Variants in SAMD4A observed in about 807,000 individuals in gnomAD.
SAMD4A encodes the protein sterile alpha motif domain containing 4A, also known as protein Smaug homolog 1.
SAMD4A carries 33 observed loss-of-function variants against 81.3 expected under a neutral mutation model. The observed-to-expected ratio is 0.41, with a 90% confidence interval of 0.31 to 0.54. The LOEUF (loss-of-function observed/expected upper bound fraction) is 0.54. SAMD4A is among the 20% of genes least tolerant of loss of function. SAMD4A has a pLI of 0.37. For missense variants in SAMD4A, 854 were observed against 951.1 expected (o/e 0.90, Z 1.34); for synonymous variants, 389 against 382.1 (o/e 1.02, Z -0.21).
At chr14:54,565,565 C>A (rs2032904539), upstream of SAMD4A, among the ~76,000 whole-genome samples, 2 of 152,236 alleles carry the variant, frequency 1.3e-5, no homozygotes, top group South Asian at 4.1e-4. The surrounding 1 kb of genome is among the most constrained non-coding windows in gnomAD (Gnocchi z 5.4). Flanking sequence ...TCCACGACCC[C>A]CGGAACCCAT....
At chr14:54,651,408 G>A (rs140729955) in intron 2 of SAMD4A, among the ~76,000 whole-genome samples, 42 of 152,284 alleles carry the variant, frequency 2.8e-4, no homozygotes, top group African/African-American at 9.6e-4. Flanking sequence ...CATGACATTA[G>A]TGATTTCATA....
In SAMD4A at chr14:54,567,657, G is replaced by GTT. The variant is rs891760874; in HGVS notation, c.-250_-249dup. 1.5e-4 allele frequency: 63 copies of GTT among 408,906 alleles called. No homozygotes were observed. The highest frequency in any genetic ancestry group is 2.3e-4 in the South Asian group (7 of 29,804). 25.3% of individuals were successfully genotyped at this position (408,906 alleles called of 1,614,324 possible). A position where few individuals can be genotyped will look rare whatever the true frequency, so the allele number is the denominator to read the frequency against. On this transcript the variant is annotated 5_prime_UTR_variant, in exon 2 of 13. Transcript: ENST00000554335. ...CCTTGTGGGGGATTTTTAAAAAGTC[G>GTT]TTTTTTTTTTTAAAGAAACATTTCC...
chr14:54,744,242 T>C (rs1379991053), intron 4 of SAMD4A, among the ~76,000 whole-genome samples: 1 of 152,196 alleles, frequency 6.6e-6, no homozygotes, highest in Non-Finnish European at 1.5e-5. Flanking sequence ...ATCGATCCCA[T>C]CTTTCTGTCT....
intron 2 of SAMD4A, among the ~76,000 whole-genome samples, chr14:54,614,878 A>C (rs533963190): frequency 6.6e-6 from 1 of 152,332 alleles, no homozygotes; most frequent in African/African-American, 2.4e-5. Context: ...GAAGTCCTCA[A>C]GTCAGAGGGG....
chr14:54,787,851 TTACTC>T (rs1302580677), intron 12 of SAMD4A, among the ~76,000 whole-genome samples: 2 of 152,200 alleles, frequency 1.3e-5, no homozygotes, highest in Non-Finnish European at 2.9e-5. Context: ...TTAAATCTCA[TTACTC>T]TACTGCTTAT....
chr14:54,582,776 T>C (rs2033505554), intron 2 of SAMD4A, among the ~76,000 whole-genome samples: 1 of 152,194 alleles, frequency 6.6e-6, no homozygotes, highest in Non-Finnish European at 1.5e-5. Flanking sequence ...CACCAGGAAA[T>C]GTCCTTATTA....
At chr14:54,573,744 C>T (rs2033203078) in intron 2 of SAMD4A, among the ~76,000 whole-genome samples, 1 of 152,158 alleles carries the variant, frequency 6.6e-6, no homozygotes, top group Non-Finnish European at 1.5e-5. Context: ...ATTTTTGCTT[C>T]CATTGAAGCT....
chr14:54,762,621 CTG>C (rs1478020952), intron 7 of SAMD4A, among the ~76,000 whole-genome samples: 2 of 152,182 alleles, frequency 1.3e-5, no homozygotes, highest in African/African-American at 4.8e-5. Flanking sequence ...GCCCTACTTC[CTG>C]AGAGACCCAC....
intron 2 of SAMD4A, among the ~76,000 whole-genome samples, chr14:54,622,762 G>A (rs1047681778): frequency 5.9e-5 from 9 of 152,216 alleles, no homozygotes; most frequent in Non-Finnish European, 1.3e-4. Flanking sequence ...CAGCGTAGGC[G>A]TGGGGAGTTT....
At chr14:54,717,526 C>A (rs778242276) in intron 3 of SAMD4A, among the ~76,000 whole-genome samples, 1 of 151,880 alleles carries the variant, frequency 6.6e-6, no homozygotes, top group Non-Finnish European at 1.5e-5. Flanking sequence ...AATGTTAATA[C>A]CCCAACACAA....
chr14:54,618,608 T>C (rs1170893939), intron 2 of SAMD4A, among the ~76,000 whole-genome samples: 1 of 152,242 alleles, frequency 6.6e-6, no homozygotes, highest in Non-Finnish European at 1.5e-5. Flanking sequence ...TCTTTGAGTA[T>C]ATTTTACAAT....
rs1228684437 is a variant in SAMD4A, at chr14:54,681,788, A to G, written c.197-20274A>G. 4 of 985,162 alleles carry G rather than the reference A, an allele frequency of 4.1e-6. No individual in the cohort carries two copies. The African/African-American group carries it at 5.2e-5, about 13-fold the overall frequency. 61.0% of individuals were successfully genotyped at this position (985,162 alleles called of 1,614,324 possible). ...TTTGATGGAGCCCCAAATGAAAAATATGCAGGGAGATGAGTTTAGCAGGGC... is the reference window on the plus strand; with the variant it reads ...TTTGATGGAGCCCCAAATGAAAAATGTGCAGGGAGATGAGTTTAGCAGGGC... On this transcript the variant is annotated intron_variant, in intron 2 of 12. Transcript: ENST00000554335.
chr14:54,657,695 T>C (rs1421149640), intron 2 of SAMD4A, among the ~76,000 whole-genome samples: 2 of 152,206 alleles, frequency 1.3e-5, no homozygotes, highest in Non-Finnish European at 2.9e-5. Flanking sequence ...GTCTCCTTTC[T>C]AGGGGTCAGC....
chr14:54,777,869 C>T (rs965422249), intron 11 of SAMD4A, among the ~76,000 whole-genome samples: 1 of 152,178 alleles, frequency 6.6e-6, no homozygotes, highest in Non-Finnish European at 1.5e-5. Context: ...CAAAATATAA[C>T]AATATAATTA....
chr14:54,791,559 TA>T lies in SAMD4A; in HGVS notation c.*2617del, dbSNP rs1424978341. 1 of 152,182 alleles carries T rather than the reference TA, an allele frequency of 6.6e-6. No homozygotes were observed. The highest frequency in any genetic ancestry group is 1.5e-5 in the Non-Finnish European group (1 of 68,042). The allele number at this position is 152,182 out of a possible 1,614,324, so 9.4% of individuals were successfully genotyped here. A position where few individuals can be genotyped will look rare whatever the true frequency, so the allele number is the denominator to read the frequency against. ...TGGTAACCATGATAAAGTCTGTTATTAATAACAACATAATTCTTTTTTTAAA... is the reference window on the plus strand; with the variant it reads ...TGGTAACCATGATAAAGTCTGTTATTATAACAACATAATTCTTTTTTTAAA... On this transcript the variant is annotated 3_prime_UTR_variant, in exon 13 of 13. Transcript: ENST00000554335.
At chr14:54,778,978 G>A (rs1323610435) in intron 11 of SAMD4A, among the ~76,000 whole-genome samples, 1 of 151,752 alleles carries the variant, frequency 6.6e-6, no homozygotes, top group Non-Finnish European at 1.5e-5. Context: ...TCACTGTAGT[G>A]ACTTTTCCTT....
At position 54,702,158 on chromosome 14, in the gene SAMD4A, A is replaced by G. The variant is rs748349775; in HGVS notation, c.293A>G (p.Lys98Arg). 6.2e-7 allele frequency: 1 copy of G among 1,614,166 alleles called. No individual in the cohort carries two copies. The highest frequency in any genetic ancestry group is 8.5e-7 in the Non-Finnish European group (1 of 1,180,016). ...PLLKPGNLDA[K>R]VEYMKLLPKI... ...CTGAAGCCAGGAAACCTCGACGCGA[A>G]AGTAGAATATATGAAACTGCTGCCC... Residue 98 changes from lysine (K) to arginine (R), a missense_variant, in exon 3 of 13, where the codon AAA (lysine) becomes AGA (arginine). This residue lies in a region of SAMD4A where 387 missense variants were observed against 405.8 expected (regional missense o/e 0.95). Coordinates refer to ENST00000554335, the MANE Select transcript of SAMD4A (RefSeq NM_015589.6).
At chr14:54,757,995 G>T (rs1186059568) in intron 6 of SAMD4A, among the ~76,000 whole-genome samples, 1 of 152,210 alleles carries the variant, frequency 6.6e-6, no homozygotes, top group Non-Finnish European at 1.5e-5. Context: ...CTGGGAAAGG[G>T]CCGGGTCTAC....
chr14:54,732,925 C>G (rs1471837062), intron 3 of SAMD4A, among the ~76,000 whole-genome samples: 3 of 152,038 alleles, frequency 2.0e-5, no homozygotes, highest in Non-Finnish European at 4.4e-5. Context: ...TAAATAAAAT[C>G]GAGATGGAGT....
Sources: allele counts gnomAD v4.1 joint callset (sites outside exome capture counted in the v4.1 genomes callset), GRCh38; gene constraint gnomAD v4.1.1; regional missense constraint gnomAD v4.1.1; non-coding constraint Gnocchi (gnomAD v3.1); transcripts MANE v1.5; gene names NCBI Gene and HGNC (gene_info 2026-07-23, HGNC 2026-07-21).